RSRC1: variants seen among roughly 807,000 people sequenced by gnomAD.
RSRC1 encodes the protein serine/Arginine-related protein 53.
Under a neutral mutation model 49.1 loss-of-function variants are expected in RSRC1, and 39 were observed. The observed-to-expected ratio is 0.79, with a 90% CI of 0.61 to 1.04. RSRC1 has a LOEUF of 1.04. Ranked by LOEUF, RSRC1 falls within the 50% of genes least tolerant of loss-of-function variation. RSRC1 has a pLI of 0.00. For missense variants in RSRC1, 388 were observed against 402.4 expected (o/e 0.96, Z 0.31); for synonymous variants, 143 against 130.8 (o/e 1.09, Z -0.63).
intron 3 of RSRC1, among the ~76,000 whole-genome samples, chr3:158,158,216 T>C (rs891971175): frequency 6.6e-6 from 1 of 152,220 alleles, no homozygotes; most frequent in African/African-American, 2.4e-5. Context: ...CACAGTTGAC[T>C]CTTGAACAAC....
At chr3:158,427,498 CA>C (rs1341000232) in intron 6 of RSRC1, among the ~76,000 whole-genome samples, 1 of 151,506 alleles carries the variant, frequency 6.6e-6, no homozygotes, top group Admixed American at 6.6e-5. Flanking sequence ...TAAGTATAGC[CA>C]AAAAACCTTA....
chr3:158,303,926 TA>T (rs1460760213), intron 5 of RSRC1, among the ~76,000 whole-genome samples: 1 of 152,168 alleles, frequency 6.6e-6, no homozygotes, highest in Non-Finnish European at 1.5e-5. Flanking sequence ...AGTGGGAAAT[TA>T]AATGAATGAT....
At chr3:158,157,792 G>T (rs1345712965) in intron 3 of RSRC1, among the ~76,000 whole-genome samples, 1 of 152,032 alleles carries the variant, frequency 6.6e-6, no homozygotes, top group Middle Eastern at 3.2e-3. Context: ...GCACATGCCT[G>T]TAATCCCAGC....
intron 5 of RSRC1, among the ~76,000 whole-genome samples, chr3:158,320,767 G>C (rs532957153): frequency 6.6e-6 from 1 of 152,226 alleles, no homozygotes; most frequent in Non-Finnish European, 1.5e-5. Flanking sequence ...TCATAGCCCA[G>C]AGAATGTTCT....
chr3:158,485,822 C>T (rs1455299290), intron 7 of RSRC1, among the ~76,000 whole-genome samples: 1 of 152,212 alleles, frequency 6.6e-6, no homozygotes, highest in African/African-American at 2.4e-5. Context: ...TTCGTTTAGA[C>T]ATTTTCCTCT....
At chr3:158,162,005 A>G (rs1186223696) in intron 3 of RSRC1, among the ~76,000 whole-genome samples, 1 of 152,106 alleles carries the variant, frequency 6.6e-6, no homozygotes, top group East Asian at 1.9e-4. Flanking sequence ...AATATAATGT[A>G]ATGTATTTGT....
chr3:158,236,172 G>A (rs1164227126), intron 4 of RSRC1, among the ~76,000 whole-genome samples: 1 of 151,714 alleles, frequency 6.6e-6, no homozygotes, highest in Non-Finnish European at 1.5e-5. Context: ...ATGTATTGGA[G>A]GAATACAAAG....
At chr3:158,165,699 C>G (rs919491230) in intron 3 of RSRC1, among the ~76,000 whole-genome samples, 7 of 152,200 alleles carry the variant, frequency 4.6e-5, no homozygotes, top group African/African-American at 1.4e-4. Context: ...GTGTCTGTCA[C>G]TATATTTGGA....
intron 3 of RSRC1, among the ~76,000 whole-genome samples, chr3:158,150,791 G>C (rs192754175): frequency 3.9e-5 from 6 of 152,232 alleles, no homozygotes; most frequent in Non-Finnish European, 8.8e-5. Context: ...TTGTTTGGGA[G>C]CGAGGGGTGC....
chr3:158,276,050 G>C, intron 4 of RSRC1: 1 of 854,174 alleles, frequency 1.2e-6, no homozygotes, highest in Non-Finnish European at 2.0e-6. Context: ...TTCTATGTGG[G>C]ATCTTCACCA....
At chr3:158,364,761 A>T (rs886838405) in intron 6 of RSRC1, among the ~76,000 whole-genome samples, 12 of 151,426 alleles carry the variant, frequency 7.9e-5, no homozygotes, top group Non-Finnish European at 1.6e-4. Context: ...TGATGAAACC[A>T]TAGGAAAATT....
chr3:158,133,103 C>T (rs1716143832), intron 3 of RSRC1, among the ~76,000 whole-genome samples: 1 of 152,046 alleles, frequency 6.6e-6, no homozygotes, highest in Admixed American at 6.5e-5. Context: ...TATTGAATGT[C>T]CCTTTCATAT....
At chr3:158,266,052 A>G (rs150440992) in intron 4 of RSRC1, among the ~76,000 whole-genome samples, 86 of 152,208 alleles carry the variant, frequency 5.7e-4, no homozygotes, top group African/African-American at 1.9e-3. Flanking sequence ...TTATTTATCT[A>G]TATATCTCTT....
At chr3:158,273,527 A>G (rs1457676196) in intron 4 of RSRC1, among the ~76,000 whole-genome samples, 1 of 152,116 alleles carries the variant, frequency 6.6e-6, no homozygotes. Context: ...ATTATCCCCC[A>G]TTCTATCGCA....
chr3:158,226,824 G>A (rs140139862), intron 4 of RSRC1, among the ~76,000 whole-genome samples: 1 of 151,886 alleles, frequency 6.6e-6, no homozygotes, highest in East Asian at 1.9e-4. Flanking sequence ...TTGATTTGTA[G>A]TTTGTGCATA....
intron 6 of RSRC1, among the ~76,000 whole-genome samples, chr3:158,427,140 G>A (rs1735490127): frequency 6.6e-6 from 1 of 151,488 alleles, no homozygotes; most frequent in South Asian, 2.1e-4. Flanking sequence ...CCTACACAAT[G>A]CAGCCCTTAT....
chr3:158,477,828 G>A (rs1426117977), intron 7 of RSRC1, among the ~76,000 whole-genome samples: 5 of 96,824 alleles, frequency 5.2e-5, no homozygotes, highest in South Asian at 3.7e-4. Context: ...ATATATATAT[G>A]AAAGCCCTAT....
chr3:158,208,968 C>A (rs947726492), intron 4 of RSRC1, among the ~76,000 whole-genome samples: 1 of 152,142 alleles, frequency 6.6e-6, no homozygotes, highest in African/African-American at 2.4e-5. Context: ...TATAAAACCT[C>A]TTTAAATATG....
At chr3:158,222,402 AG>A in intron 4 of RSRC1, among the ~76,000 whole-genome samples, 1 of 151,716 alleles carries the variant, frequency 6.6e-6, no homozygotes, top group Non-Finnish European at 1.5e-5. Context: ...AGTAGATATT[AG>A]GTGTTTTTAC....
Sources: gnomAD v4.1 joint callset for allele counts (sites outside exome capture counted in the v4.1 genomes callset) on GRCh38, gnomAD v4.1.1 for gene constraint, MANE v1.5 for transcripts, NCBI Gene and HGNC (gene_info 2026-07-23, HGNC 2026-07-21) for gene names.